The following ABCA12 variants were observed in gnomAD, a reference collection of about 807,000 sequenced individuals.
The protein encoded by ABCA12 is ATP binding cassette subfamily A member 12, also known as glucosylceramide transporter ABCA12.
A neutral mutation model predicts 293.5 loss-of-function variants in ABCA12; 156 were observed. The ratio of observed to expected loss-of-function variants is 0.53; its 90% CI spans 0.47 to 0.61. The LOEUF is 0.61. Ranked by LOEUF, ABCA12 falls within the 20% of genes least tolerant of loss-of-function variation. The pLI is 0.00. For missense variants in ABCA12, 2,797 were observed against 3,090.2 expected (o/e 0.91, Z 2.25); for synonymous variants, 1,063 against 1,108.0 (o/e 0.96, Z 0.81).
chr2:215,095,447 T>C (rs140633757), intron 2 of ABCA12, among the ~76,000 whole-genome samples: 37 of 152,258 alleles, frequency 2.4e-4, no homozygotes, highest in African/African-American at 8.7e-4. Context: ...ATACGACAAA[T>C]GCTCCTTCTA....
At chr2:215,009,127 T>C (rs972618230) in intron 18 of ABCA12, among the ~76,000 whole-genome samples, 2 of 152,112 alleles carry the variant, frequency 1.3e-5, no homozygotes, top group Non-Finnish European at 2.9e-5. Flanking sequence ...ATGTGCACCA[T>C]GGGATACCAC....
intron 2 of ABCA12, among the ~76,000 whole-genome samples, chr2:215,081,917 T>C (rs2106095439): frequency 6.6e-6 from 1 of 152,280 alleles, no homozygotes; most frequent in Admixed American, 6.5e-5. Context: ...TTGCGTTTTG[T>C]TACTAGAGGA....
intron 11 of ABCA12, 33 bp from the exon 12 acceptor site, chr2:215,019,829 T>A (rs1347412570): frequency 1.9e-6 from 3 of 1,601,848 alleles, no homozygotes; most frequent in Middle Eastern, 2.1e-4. Context: ...GGGAAATAGA[T>A]TAGTTACATT....
chr2:215,134,121 A>C (rs1472670066), intron 1 of ABCA12, among the ~76,000 whole-genome samples: 4 of 151,910 alleles, frequency 2.6e-5, no homozygotes, highest in African/African-American at 9.7e-5. Context: ...AAAATTAAAG[A>C]TTCCCTTTTT....
chr2:215,086,902 C>T (rs907126770), intron 2 of ABCA12, among the ~76,000 whole-genome samples: 2 of 148,628 alleles, frequency 1.3e-5, no homozygotes, highest in Admixed American at 6.6e-5. Flanking sequence ...CAGAACTTAC[C>T]TTTCTCTAAC....
chr2:214,973,463 C>G lies in ABCA12; in HGVS notation c.5562+486G>C, dbSNP rs552598775. Among the ~76,000 whole-genome samples, 11 of 152,234 alleles carry G rather than the reference C, an allele frequency of 7.2e-5. No homozygotes were observed. In the South Asian group the frequency reaches 2.3e-3, roughly 32 times the overall value. The stretch of plus-strand genomic sequence containing the variant: ...AAGGTCCGCATCAATAGAATACAGA[C>G]AGAGTAAGTGATGAATAATTTTTTT... On this transcript the variant is annotated intron_variant, in intron 36 of 52. Coordinates refer to ENST00000272895, the MANE Select transcript of ABCA12 (RefSeq NM_173076.3).
At chr2:215,049,234 AGAT>A (rs1701268354) in intron 6 of ABCA12, among the ~76,000 whole-genome samples, 1 of 152,196 alleles carries the variant, frequency 6.6e-6, no homozygotes, top group African/African-American at 2.4e-5. Context: ...AAAAATAAAA[AGAT>A]TTTACCCATT....
intron 2 of ABCA12, among the ~76,000 whole-genome samples, chr2:215,065,963 CAGAG>C (rs1231838038): frequency 6.6e-6 from 1 of 152,078 alleles, no homozygotes; most frequent in African/African-American, 2.4e-5. Flanking sequence ...TCTTTGACAC[CAGAG>C]AGATTGGTGC....
chr2:214,936,306 A>G (rs1698216870), intron 51 of ABCA12, among the ~76,000 whole-genome samples: 1 of 152,136 alleles, frequency 6.6e-6, no homozygotes. Context: ...GGTACTATCT[A>G]TAGTTTCAGG....
At chr2:215,071,028 C>T (rs1465300905) in intron 2 of ABCA12, among the ~76,000 whole-genome samples, 1 of 151,504 alleles carries the variant, frequency 6.6e-6, no homozygotes, top group Non-Finnish European at 1.5e-5. Context: ...AAAAAATACA[C>T]ACTCAAGAAA....
At chr2:215,028,764 T>C (rs1700806845) in intron 9 of ABCA12, among the ~76,000 whole-genome samples, 2 of 152,352 alleles carry the variant, frequency 1.3e-5, no homozygotes, top group South Asian at 4.1e-4. Flanking sequence ...TATGAAGTCA[T>C]GCCTACAGTC....
At chr2:215,088,407 T>C (rs1702080944) in intron 2 of ABCA12, among the ~76,000 whole-genome samples, 1 of 152,150 alleles carries the variant, frequency 6.6e-6, no homozygotes, top group Non-Finnish European at 1.5e-5. Context: ...AATGACTCAG[T>C]AGAAGACGAA....
rs532592337 is a variant in ABCA12, at chr2:215,056,938, T to G, written c.318-2274A>C. 2.0e-5 allele frequency among the ~76,000 whole-genome samples: 3 copies of G among 152,208 alleles called. No individual in the cohort carries two copies. The East Asian group carries it at 5.8e-4, about 29-fold the overall frequency. On this transcript the variant is annotated intron_variant, in intron 3 of 52. Transcript: ENST00000272895. ...CAGTGGTTGAGAAATAGCACCTTCC[T>G]GTTACTTCACACAAGCACTTAGTGC...
chr2:215,073,848 T>C (rs894631194), intron 2 of ABCA12, among the ~76,000 whole-genome samples: 1 of 152,092 alleles, frequency 6.6e-6, no homozygotes, highest in African/African-American at 2.4e-5. Flanking sequence ...GATGTTGGGG[T>C]TTGGAGGAGT....
In ABCA12 at chr2:214,945,002, T is replaced by A; in HGVS notation, c.7342A>T (p.Ser2448Cys). The change falls in exon 49 of 53, where the codon AGC becomes TGC. Residue 2448 changes from serine to cysteine, a missense_variant and splice_region_variant. Ser to Cys is a moderately radical substitution (Grantham distance 112). Coordinates refer to ENST00000272895, the MANE Select transcript of ABCA12 (RefSeq NM_173076.3). The stretch of plus-strand genomic sequence containing the variant: ...CTTTAAAGATTCCACTCAGTTTACC[T>A]GTGAGATGTGAGGATGACGGAACAT... ...NKCSVILTSH[S>C]MEECEALCTR... 1 of 1,613,194 alleles carries A rather than the reference T, an allele frequency of 6.2e-7. No individual in the cohort carries two copies. Among genetic ancestry groups the A allele is most frequent in the Non-Finnish European group, 8.5e-7 (1 of 1,179,506 alleles).
intron 24 of ABCA12, 115 bp from the exon 25 acceptor site, chr2:214,989,736 T>C: frequency 9.2e-7 from 1 of 1,083,178 alleles, no homozygotes; most frequent in East Asian, 2.6e-5. Flanking sequence ...TGATGCTCAT[T>C]CTCTAAGCAT....
chr2:215,089,346 A>G (rs546073892), intron 2 of ABCA12, among the ~76,000 whole-genome samples: 1 of 152,306 alleles, frequency 6.6e-6, no homozygotes, highest in East Asian at 1.9e-4. Context: ...GGCTAAAACT[A>G]CTAGGAACCG....
chr2:214,981,966 A>ATTT (rs1699672786), intron 30 of ABCA12, among the ~76,000 whole-genome samples: 1 of 112,880 alleles, frequency 8.9e-6, no homozygotes, highest in African/African-American at 3.9e-5. Flanking sequence ...TATTATTATT[A>ATTT]TTATTATTAT....
intron 1 of ABCA12, among the ~76,000 whole-genome samples, chr2:215,117,818 T>C (rs189300273): frequency 6.6e-6 from 1 of 152,354 alleles, no homozygotes; most frequent in East Asian, 1.9e-4. Context: ...TGAATTTAAT[T>C]ACTACATCTT....
Sources: gnomAD v4.1 joint callset for allele counts (sites outside exome capture counted in the v4.1 genomes callset) on GRCh38, gnomAD v4.1.1 for gene constraint, MANE v1.5 for transcripts, NCBI Gene and HGNC (gene_info 2026-07-23, HGNC 2026-07-21) for gene names.